Variants in MIR2052HG observed in about 807,000 individuals in gnomAD.
The protein encoded by MIR2052HG is MIR2052 host gene.
At chr8:74,617,960 G>A (rs1298602138) in intron 2 of MIR2052HG, among the ~76,000 whole-genome samples, 1 of 152,106 alleles carries the variant, frequency 6.6e-6, no homozygotes, top group Non-Finnish European at 1.5e-5. Context: ...GATTAGTGAT[G>A]GATACAATTC....
intron 4 of MIR2052HG, among the ~76,000 whole-genome samples, chr8:74,712,088 C>G (rs1379909257): frequency 1.3e-5 from 2 of 152,150 alleles, no homozygotes; most frequent in Admixed American, 1.3e-4. Flanking sequence ...TCACATCTAT[C>G]TTTTGTTATT....
chr8:74,703,701 A>G (rs1203911223), intron 4 of MIR2052HG: 2 of 446,962 alleles, frequency 4.5e-6, no homozygotes. Context: ...AATTTCTGCT[A>G]TGCTGTGGGA....
intron 5 of MIR2052HG, among the ~76,000 whole-genome samples, chr8:74,755,294 T>C (rs114667769): frequency 0.014 from 2,204 of 152,330 alleles, 51 homozygotes; most frequent in African/African-American, 0.047. Context: ...AATAGAGTCT[T>C]TGAAGTGATG....
chr8:74,614,689 T>C (rs1808251883), intron 2 of MIR2052HG, among the ~76,000 whole-genome samples: 2 of 152,086 alleles, frequency 1.3e-5, no homozygotes, highest in African/African-American at 4.8e-5. Flanking sequence ...TTTTTCTCTT[T>C]CCTTTCCTTT....
intron 2 of MIR2052HG, among the ~76,000 whole-genome samples, chr8:74,655,932 A>G (rs757657924): frequency 6.6e-6 from 1 of 152,148 alleles, no homozygotes; most frequent in Non-Finnish European, 1.5e-5. Flanking sequence ...GCTGCCTAAG[A>G]TTATAGGAAC....
chr8:74,708,034 A>T (rs1310436513), intron 4 of MIR2052HG, among the ~76,000 whole-genome samples: 1 of 152,112 alleles, frequency 6.6e-6, no homozygotes, highest in East Asian at 1.9e-4. Flanking sequence ...ATTAAAAGTT[A>T]AAAAAAGTAA....
chr8:74,647,522 G>GT (rs1267064523), intron 2 of MIR2052HG, among the ~76,000 whole-genome samples: 2 of 152,124 alleles, frequency 1.3e-5, no homozygotes, highest in Middle Eastern at 3.4e-3. Context: ...TCTCTTATAA[G>GT]TTTTTTCATT....
At chr8:74,745,438 A>G (rs973302102) in intron 4 of MIR2052HG, among the ~76,000 whole-genome samples, 2 of 152,200 alleles carry the variant, frequency 1.3e-5, no homozygotes, top group East Asian at 1.9e-4. Context: ...TATTTAAATC[A>G]TTATCACATA....
intron 2 of MIR2052HG, among the ~76,000 whole-genome samples, chr8:74,636,685 C>T (rs1281187867): frequency 6.6e-6 from 1 of 151,912 alleles, no homozygotes; most frequent in Non-Finnish European, 1.5e-5. Context: ...TATCGTATAC[C>T]CTGAGATAAA....
chr8:74,720,109 A>G (rs1282027635), intron 4 of MIR2052HG, among the ~76,000 whole-genome samples: 1 of 152,018 alleles, frequency 6.6e-6, no homozygotes, highest in Non-Finnish European at 1.5e-5. Flanking sequence ...TCGGCCTCCC[A>G]AAGTGTTGGG....
intron 3 of MIR2052HG, chr8:74,703,553 C>G: frequency 2.5e-6 from 1 of 404,440 alleles, no homozygotes; most frequent in South Asian, 1.9e-5. Flanking sequence ...GACCCATCCC[C>G]CTTCATGATG....
chr8:74,717,903 C>A (rs1180711596), intron 4 of MIR2052HG, among the ~76,000 whole-genome samples: 1 of 151,796 alleles, frequency 6.6e-6, no homozygotes, highest in Non-Finnish European at 1.5e-5. Context: ...ACACTGCATG[C>A]CAATGACATT....
At chr8:74,676,414 T>G (rs2128738600) in intron 2 of MIR2052HG, among the ~76,000 whole-genome samples, 1 of 152,048 alleles carries the variant, frequency 6.6e-6, no homozygotes, top group Middle Eastern at 3.4e-3. Context: ...GGAGGAAAAT[T>G]GCAATATTAA....
chr8:74,649,583 A>G (rs1437057869), intron 2 of MIR2052HG, among the ~76,000 whole-genome samples: 1 of 152,172 alleles, frequency 6.6e-6, no homozygotes, highest in African/African-American at 2.4e-5. Context: ...CTCTGATTAT[A>G]TCACAAATAC....
chr8:74,731,142 G>A (rs913687398), intron 4 of MIR2052HG, among the ~76,000 whole-genome samples: 1 of 152,154 alleles, frequency 6.6e-6, no homozygotes, highest in Admixed American at 6.5e-5. Context: ...AGAGACACAT[G>A]AATGGAGTTG....
At chr8:74,649,352 G>A (rs1049232606) in intron 2 of MIR2052HG, among the ~76,000 whole-genome samples, 5 of 151,952 alleles carry the variant, frequency 3.3e-5, no homozygotes, top group South Asian at 2.1e-4. Flanking sequence ...GTGTGATTTA[G>A]TGCTATTAAA....
intron 2 of MIR2052HG, among the ~76,000 whole-genome samples, chr8:74,629,065 C>T (rs1808474997): frequency 6.6e-6 from 1 of 152,042 alleles, no homozygotes; most frequent in Non-Finnish European, 1.5e-5. Context: ...CCTCTTATGT[C>T]AGCCAGTGTG....
intron 2 of MIR2052HG, among the ~76,000 whole-genome samples, chr8:74,624,870 G>A (rs545222905): frequency 2.0e-5 from 3 of 152,282 alleles, no homozygotes; most frequent in Admixed American, 6.5e-5. Context: ...AAAGGAAGGA[G>A]GAAATATGAT....
chr8:74,746,204 A>T (rs150063721), intron 4 of MIR2052HG, among the ~76,000 whole-genome samples: 1 of 152,346 alleles, frequency 6.6e-6, no homozygotes, highest in East Asian at 1.9e-4. Flanking sequence ...ACTGTGCAAG[A>T]TGCAAAAAAA....
Sources: allele counts gnomAD v4.1 joint callset (sites outside exome capture counted in the v4.1 genomes callset), GRCh38; gene constraint gnomAD v4.1.1; transcripts MANE v1.5; gene names NCBI Gene and HGNC (gene_info 2026-07-23, HGNC 2026-07-21).